The following ZNF385D variants were observed in gnomAD, a reference collection of about 807,000 sequenced individuals.
The protein encoded by ZNF385D is zinc finger protein 385D, also known as zinc finger protein 659.
A neutral mutation model predicts 35.8 loss-of-function variants in ZNF385D; 15 were observed. The observed-to-expected ratio is 0.42, with a 90% CI of 0.28 to 0.64. The LOEUF is 0.64. ZNF385D is among the 30% of genes least tolerant of loss of function. The pLI is 0.23. For synonymous variants in ZNF385D, 212 were observed against 186.8 expected (o/e 1.13, Z -1.10); for missense variants, 474 against 494.6 (o/e 0.96, Z 0.39).
intron 2 of ZNF385D, among the ~76,000 whole-genome samples, chr3:22,245,292 T>C (rs886219638): frequency 6.6e-6 from 1 of 152,138 alleles, no homozygotes; most frequent in Non-Finnish European, 1.5e-5. Context: ...ACCACCATTC[T>C]GACCTCAGCA....
At chr3:21,670,121 C>T (rs1018042355) in intron 1 of ZNF385D, among the ~76,000 whole-genome samples, 4 of 152,054 alleles carry the variant, frequency 2.6e-5, no homozygotes, top group African/African-American at 4.8e-5. Flanking sequence ...TGGAGAATTT[C>T]GTGCATCATT....
intron 3 of ZNF385D, among the ~76,000 whole-genome samples, chr3:21,870,502 T>C (rs867103145): frequency 2.0e-5 from 3 of 152,304 alleles, no homozygotes; most frequent in Middle Eastern, 6.8e-3. Flanking sequence ...ACGTGATTCA[T>C]GTAAGAAGCA....
chr3:22,370,528 G>A (rs760436539), intron 2 of ZNF385D, among the ~76,000 whole-genome samples: 2 of 148,054 alleles, frequency 1.4e-5, no homozygotes, highest in Non-Finnish European at 1.5e-5. Flanking sequence ...TCAATCTATG[G>A]TATTACAATC....
chr3:22,289,299 G>C (rs1177214244), intron 2 of ZNF385D, among the ~76,000 whole-genome samples: 1 of 152,154 alleles, frequency 6.6e-6, no homozygotes, highest in Non-Finnish European at 1.5e-5. Context: ...TAGGTGGGTA[G>C]GGAGTCAATT....
intron 2 of ZNF385D, among the ~76,000 whole-genome samples, chr3:22,279,074 C>G (rs1014040476): frequency 2.6e-5 from 4 of 152,212 alleles, no homozygotes; most frequent in Admixed American, 1.3e-4. Context: ...AGTAGAAATA[C>G]AGGACTATCT....
chr3:21,607,438 T>C (rs2064515540), intron 2 of ZNF385D, among the ~76,000 whole-genome samples: 1 of 152,240 alleles, frequency 6.6e-6, no homozygotes, highest in African/African-American at 2.4e-5. Flanking sequence ...GACCATTCTA[T>C]ATATAACAAG....
intron 2 of ZNF385D, among the ~76,000 whole-genome samples, chr3:21,571,224 A>AC (rs1251887544): frequency 5.3e-5 from 8 of 152,236 alleles, no homozygotes; most frequent in Non-Finnish European, 8.8e-5. Flanking sequence ...TCATAAAAAT[A>AC]TAAGTATACA....
chr3:22,148,989 G>T (rs1705048543), intron 3 of ZNF385D, among the ~76,000 whole-genome samples: 1 of 152,010 alleles, frequency 6.6e-6, no homozygotes, highest in African/African-American at 2.4e-5. Context: ...ATTGCTTTTA[G>T]AGCTGCAAAA....
intron 1 of ZNF385D, among the ~76,000 whole-genome samples, chr3:21,670,560 G>C (rs1288637028): frequency 6.8e-6 from 1 of 147,856 alleles, no homozygotes. Context: ...GTGATAGTAG[G>C]CATAAAAACT....
chr3:22,114,245 C>T (rs1702693690), intron 3 of ZNF385D, among the ~76,000 whole-genome samples: 2 of 152,048 alleles, frequency 1.3e-5, no homozygotes, highest in South Asian at 4.2e-4. Flanking sequence ...ATTTACATAA[C>T]ATTAAATATT....
intron 1 of ZNF385D, among the ~76,000 whole-genome samples, chr3:21,747,558 C>T (rs1031916034): frequency 7.2e-5 from 11 of 152,200 alleles, no homozygotes; most frequent in African/African-American, 9.6e-5. Context: ...CCACTGGCAA[C>T]GACTCACCTA....
chr3:21,914,179 G>A (rs1700089185), intron 3 of ZNF385D, among the ~76,000 whole-genome samples: 1 of 152,046 alleles, frequency 6.6e-6, no homozygotes, highest in African/African-American at 2.4e-5. Flanking sequence ...TTAGTAGACA[G>A]GGAACCTAAA....
At chr3:21,819,206 TAAAG>T (rs1204270466) in intron 3 of ZNF385D, among the ~76,000 whole-genome samples, 38 of 151,362 alleles carry the variant, frequency 2.5e-4, no homozygotes, top group African/African-American at 9.2e-4. Context: ...AAAAGAAACA[TAAAG>T]AAAGCAGAAC....
Position 21,704,493 on chromosome 3 carries a change from A to ATTTAT in ZNF385D, c.23-39470_23-39466dup, listed in dbSNP as rs556265801. On this transcript the variant is annotated intron_variant, in intron 1 of 7. Coordinates refer to ENST00000281523, the MANE Select transcript of ZNF385D (RefSeq NM_024697.3). The stretch of plus-strand genomic sequence containing the variant: ...ATAGCCTTTACCAAAATCTGATATT[A>ATTTAT]TTTATTTTATTTTATTTTATTTATT... Among the ~76,000 whole-genome samples the ATTTAT allele has an allele frequency of 8.5e-3, 1,296 of 151,926 alleles. 9 individuals are homozygous for ATTTAT. Among genetic ancestry groups the ATTTAT allele is most frequent in the African/African-American group, 0.029 (1,210 of 41,406 alleles).
chr3:21,749,945 C>T (rs964880053), intron 1 of ZNF385D, among the ~76,000 whole-genome samples: 1 of 127,634 alleles, frequency 7.8e-6, no homozygotes, highest in African/African-American at 3.0e-5. Flanking sequence ...GAAATCAGAG[C>T]ATTTGCATCT....
intron 3 of ZNF385D, among the ~76,000 whole-genome samples, chr3:21,954,481 G>A (rs966302476): frequency 1.3e-5 from 2 of 151,900 alleles, no homozygotes; most frequent in East Asian, 3.9e-4. Flanking sequence ...CAACCTGGAG[G>A]TTTCTAAACT....
chr3:21,673,470 G>C (rs1313980386), intron 1 of ZNF385D, among the ~76,000 whole-genome samples: 1 of 152,100 alleles, frequency 6.6e-6, no homozygotes, highest in Non-Finnish European at 1.5e-5. Context: ...AAAATGAATT[G>C]CTAATGGGAG....
At chr3:21,439,979 TA>T (rs1701774266) in intron 4 of ZNF385D, among the ~76,000 whole-genome samples, 1 of 152,090 alleles carries the variant, frequency 6.6e-6, no homozygotes, top group South Asian at 2.1e-4. Flanking sequence ...TAAAAAGTTA[TA>T]TTTTTTATCT....
chr3:21,967,823 C>G (rs942027177), intron 3 of ZNF385D, among the ~76,000 whole-genome samples: 1 of 152,318 alleles, frequency 6.6e-6, no homozygotes, highest in African/African-American at 2.4e-5. Context: ...GATGGCTGAA[C>G]AGAAACCTCC....
Sources: gnomAD v4.1 joint callset for allele counts (sites outside exome capture counted in the v4.1 genomes callset) on GRCh38, gnomAD v4.1.1 for gene constraint, MANE v1.5 for transcripts, NCBI Gene and HGNC (gene_info 2026-07-23, HGNC 2026-07-21) for gene names.